The following G3BP2 variants were observed in gnomAD, a reference collection of about 807,000 sequenced individuals.
G3BP2 encodes G3BP stress granule assembly factor 2.
A neutral mutation model predicts 56.7 loss-of-function variants in G3BP2; 11 were observed. The ratio of observed to expected loss-of-function variants is 0.19; its 90% CI spans 0.12 to 0.32. The LOEUF is 0.32. G3BP2 is among the 10% of genes least tolerant of loss of function. The pLI, the probability that G3BP2 is intolerant of heterozygous loss-of-function variation, is 1.00. For synonymous variants in G3BP2, 165 were observed against 191.6 expected (o/e 0.86, Z 1.15); for missense variants, 340 against 610.9 (o/e 0.56, Z 4.67).
intron 3 of G3BP2, among the ~76,000 whole-genome samples, chr4:75,707,359 C>G (rs1449209261): frequency 1.3e-5 from 2 of 151,900 alleles, no homozygotes; most frequent in African/African-American, 4.8e-5. Flanking sequence ...CCGTGGCTCA[C>G]GCTTGTAATC....
At chr4:75,654,830 A>C (rs1375050677) in intron 7 of G3BP2, 4 of 479,396 alleles carry the variant, frequency 8.3e-6, no homozygotes, top group Non-Finnish European at 1.5e-5. Flanking sequence ...AAGTTACTAA[A>C]CAATGCATAC....
intron 8 of G3BP2, among the ~76,000 whole-genome samples, chr4:75,650,072 A>G (rs1731553445): frequency 6.6e-6 from 1 of 152,194 alleles, no homozygotes; most frequent in Admixed American, 6.5e-5. Flanking sequence ...CAGTCCATGC[A>G]GCGGCTCAAA....
chr4:75,703,335 T>C (rs1318918488), intron 3 of G3BP2, among the ~76,000 whole-genome samples: 1 of 152,130 alleles, frequency 6.6e-6, no homozygotes, highest in Non-Finnish European at 1.5e-5. Context: ...GACCAGACAC[T>C]GCGGAGGCAG....
intron 3 of G3BP2, among the ~76,000 whole-genome samples, chr4:75,686,394 G>A (rs1718604552): frequency 6.6e-6 from 1 of 152,114 alleles, no homozygotes; most frequent in Non-Finnish European, 1.5e-5. Flanking sequence ...AGTGAGAACA[G>A]AGGAAATGGG....
intron 3 of G3BP2, among the ~76,000 whole-genome samples, chr4:75,718,903 A>C (rs889373331): frequency 6.6e-6 from 1 of 152,134 alleles, no homozygotes; most frequent in African/African-American, 2.4e-5. Flanking sequence ...ACAGTTAAGG[A>C]GAGCAGAGTC....
Position 75,710,456 on chromosome 4 carries a change from A to G in G3BP2, c.-25+10421T>C, listed in dbSNP as rs116584261. Reference sequence around the variant, plus strand: ...AATTATGTACTTCCCCAAGTGAGCTAACTTAGCTGGGAAGTAAGCAAAATT... The same window carrying G: ...AATTATGTACTTCCCCAAGTGAGCTGACTTAGCTGGGAAGTAAGCAAAATT... On this transcript the variant is annotated intron_variant, in intron 3 of 3. Coordinates refer to the G3BP2 transcript ENST00000499709. Among the ~76,000 whole-genome samples, 1,468 of 152,312 alleles carry G rather than the reference A, an allele frequency of 9.6e-3. 18 individuals carry two copies. The highest frequency in any genetic ancestry group is 0.033 in the African/African-American group (1,385 of 41,562).
chr4:75,645,723 A>G, intron 11 of G3BP2, 21 bp from the exon 12 acceptor site: 1 of 1,606,928 alleles, frequency 6.2e-7, no homozygotes, highest in South Asian at 1.1e-5. Context: ...GAGAAGAAAA[A>G]TATTTACATG....
chr4:75,669,472 C>T (rs1335285504), intron 1 of G3BP2, among the ~76,000 whole-genome samples: 5 of 152,194 alleles, frequency 3.3e-5, no homozygotes, highest in Non-Finnish European at 7.3e-5. Context: ...GTCTTTCAAG[C>T]CCCTGTATCA....
intron 3 of G3BP2, among the ~76,000 whole-genome samples, chr4:75,682,020 C>A (rs1293004322): frequency 6.6e-6 from 1 of 152,038 alleles, no homozygotes; most frequent in Non-Finnish European, 1.5e-5. Context: ...GTAGAGCAGA[C>A]AGCATGGATA....
At chr4:75,715,335 T>C (rs1719892542) in intron 3 of G3BP2, among the ~76,000 whole-genome samples, 1 of 152,194 alleles carries the variant, frequency 6.6e-6, no homozygotes, top group Admixed American at 6.5e-5. Context: ...GGTGCAATAC[T>C]CTAGCTGCTG....
intron 2 of G3BP2, chr4:75,661,485 T>C (rs1191763448): frequency 6.6e-6 from 1 of 151,944 alleles, no homozygotes; most frequent in Non-Finnish European, 1.5e-5. Flanking sequence ...TTTGTTTTTT[T>C]TTTTTTTTAA....
At chr4:75,658,072 T>G (rs1234748373) in intron 3 of G3BP2, among the ~76,000 whole-genome samples, 6 of 152,206 alleles carry the variant, frequency 3.9e-5, no homozygotes, top group Non-Finnish European at 2.9e-5. Context: ...CTACTTATAA[T>G]TCCTTATTTG....
chr4:75,668,134 G>A (rs1203831023), intron 1 of G3BP2, among the ~76,000 whole-genome samples: 1 of 152,162 alleles, frequency 6.6e-6, no homozygotes. Context: ...TTGAGAGAGA[G>A]TGGAGTATTG....
intron 3 of G3BP2, among the ~76,000 whole-genome samples, chr4:75,682,868 T>C (rs368549610): frequency 3.3e-5 from 5 of 151,794 alleles, no homozygotes; most frequent in South Asian, 4.2e-4. Flanking sequence ...CCTGTAATCC[T>C]AGCTACTTGG....
At chr4:75,680,749 G>A (rs1734038676) in intron 3 of G3BP2, among the ~76,000 whole-genome samples, 1 of 151,144 alleles carries the variant, frequency 6.6e-6, no homozygotes, top group African/African-American at 2.4e-5. Context: ...GGCGGATCGC[G>A]AGGTCAAGAA....
chr4:75,645,229 T>G lies in G3BP2; in HGVS notation c.*201A>C, dbSNP rs1369993853. 1.7e-6 allele frequency: 1 copy of G among 590,046 alleles called. No individual in the cohort carries two copies. Among genetic ancestry groups the G allele is most frequent in the African/African-American group, 1.9e-5 (1 of 53,434 alleles). 36.6% of individuals were successfully genotyped at this position (590,046 alleles called of 1,614,324 possible). ...AGTCCTTAATTCTCCAAGTCTAGAT[T>G]TATAAATTAACAATGTGAATCCTGT... On this transcript the variant is annotated 3_prime_UTR_variant, in exon 12 of 12. Coordinates refer to ENST00000359707, the MANE Select transcript of G3BP2 (RefSeq NM_203505.3).
chr4:75,663,951 T>C (rs1732779213), intron 1 of G3BP2, among the ~76,000 whole-genome samples: 2 of 16,190 alleles, frequency 1.2e-4, no homozygotes, highest in South Asian at 2.1e-3. Flanking sequence ...AGTGGTACGA[T>C]CTTGGCTCAC....
chr4:75,649,510 T>C (rs904568101), intron 8 of G3BP2, among the ~76,000 whole-genome samples: 15 of 152,206 alleles, frequency 9.9e-5, no homozygotes, highest in African/African-American at 3.4e-4. Context: ...GAATTAAACA[T>C]ATAATTATTT....
Position 75,645,019 on chromosome 4 carries a change from A to T in G3BP2, c.*411T>A, listed in dbSNP as rs1731107950. On this transcript the variant is annotated 3_prime_UTR_variant, in exon 12 of 12. Coordinates refer to ENST00000359707, the MANE Select transcript of G3BP2 (RefSeq NM_203505.3). The stretch of plus-strand genomic sequence containing the variant: ...GTATTTTTGGGGGGAGCCAAGAAAA[A>T]AGGCAAGATTCTCCAATTGCACAAA... 1 of 174,136 alleles carries T rather than the reference A, an allele frequency of 5.7e-6. No homozygotes were observed. Among genetic ancestry groups the T allele is most frequent in the South Asian group, 1.5e-4 (1 of 6,456 alleles). 10.8% of individuals were successfully genotyped at this position (174,136 alleles called of 1,614,324 possible).
Sources: gnomAD v4.1 joint callset for allele counts (sites outside exome capture counted in the v4.1 genomes callset) on GRCh38, gnomAD v4.1.1 for gene constraint, MANE v1.5 for transcripts, NCBI Gene and HGNC (gene_info 2026-07-23, HGNC 2026-07-21) for gene names.